NLGN1: variants seen among roughly 807,000 people sequenced by gnomAD.
NLGN1 encodes neuroligin-1.
Under a neutral mutation model 65.5 loss-of-function variants are expected in NLGN1, and 12 were observed. The ratio of observed to expected loss-of-function variants is 0.18; its 90% CI spans 0.12 to 0.30. The LOEUF (loss-of-function observed/expected upper bound fraction) is 0.30. NLGN1 is among the 10% of genes least tolerant of loss of function. NLGN1 has a pLI of 1.00. For missense variants in NLGN1, 750 were observed against 1,007.1 expected (o/e 0.74, Z 3.46); for synonymous variants, 350 against 359.5 (o/e 0.97, Z 0.30).
chr3:174,102,213 G>A (rs1468012869), intron 4 of NLGN1, among the ~76,000 whole-genome samples: 2 of 151,964 alleles, frequency 1.3e-5, no homozygotes, highest in South Asian at 2.1e-4. Flanking sequence ...AAAAATCATA[G>A]CCAGCTTTTT....
At chr3:174,137,460 A>G (rs9843125) in intron 4 of NLGN1, among the ~76,000 whole-genome samples, 32,191 of 152,016 alleles carry the variant, frequency 0.21, 3,971 homozygotes, top group African/African-American at 0.35. Context: ...TGACCTTGGA[A>G]AACTAATGTC....
intron 3 of NLGN1, among the ~76,000 whole-genome samples, chr3:173,769,536 A>C (rs551074504): frequency 6.6e-6 from 1 of 152,320 alleles, no homozygotes; most frequent in Non-Finnish European, 1.5e-5. Flanking sequence ...TGCCTGGGGT[A>C]ATAATACATG....
At chr3:174,024,527 TA>T (rs1560867326) in intron 4 of NLGN1, among the ~76,000 whole-genome samples, 1 of 152,200 alleles carries the variant, frequency 6.6e-6, no homozygotes, top group African/African-American at 2.4e-5. Context: ...TATATCCCAC[TA>T]AGAAAAATGT....
At chr3:173,605,123 T>C (rs371948684) in intron 3 of NLGN1, 32 bp downstream of exon 2, 142 of 1,510,080 alleles carry the variant, frequency 9.4e-5, no homozygotes, top group Admixed American at 2.5e-4. Context: ...CAGGGAGATA[T>C]ATTTATATAT....
chr3:174,239,473 A>G (rs1742388598), intron 4 of NLGN1, among the ~76,000 whole-genome samples: 1 of 152,164 alleles, frequency 6.6e-6, no homozygotes, highest in South Asian at 2.1e-4. Flanking sequence ...AGGTCCTGTT[A>G]GTAGGGGTTA....
At chr3:173,866,665 T>C (rs2150840579) in intron 4 of NLGN1, among the ~76,000 whole-genome samples, 1 of 152,288 alleles carries the variant, frequency 6.6e-6, no homozygotes, top group African/African-American at 2.4e-5. Flanking sequence ...ATTTGTTGGT[T>C]TTATATAAAA....
At chr3:174,038,463 A>G (rs554972111) in intron 4 of NLGN1, among the ~76,000 whole-genome samples, 3 of 152,276 alleles carry the variant, frequency 2.0e-5, no homozygotes, top group Admixed American at 1.3e-4. Context: ...ACTCCTTTTC[A>G]GAAAAGGATT....
At chr3:173,450,302 T>G (rs1577536631) in intron 2 of NLGN1, among the ~76,000 whole-genome samples, 1 of 152,294 alleles carries the variant, frequency 6.6e-6, no homozygotes. Flanking sequence ...TAAAGTATTT[T>G]ATTTCTCCTT....
At chr3:174,248,430 T>G (rs183942293) in intron 4 of NLGN1, among the ~76,000 whole-genome samples, 9 of 152,310 alleles carry the variant, frequency 5.9e-5, no homozygotes, top group African/African-American at 1.4e-4. Flanking sequence ...GTAGAAAGTG[T>G]GCTAGGGATG....
chr3:173,745,354 G>A (rs1775203107), intron 3 of NLGN1, among the ~76,000 whole-genome samples: 1 of 152,046 alleles, frequency 6.6e-6, no homozygotes, highest in Admixed American at 6.6e-5. Flanking sequence ...TTTTTTTAAA[G>A]TAGTAGATCC....
At chr3:173,798,576 A>G (rs1357849778) in intron 3 of NLGN1, among the ~76,000 whole-genome samples, 4 of 152,148 alleles carry the variant, frequency 2.6e-5, no homozygotes, top group Non-Finnish European at 4.4e-5. Context: ...GGGTCATGTT[A>G]AATAAATGTA....
chr3:173,797,590 C>T (rs994697590), intron 3 of NLGN1, among the ~76,000 whole-genome samples: 4 of 151,590 alleles, frequency 2.6e-5, no homozygotes, highest in Non-Finnish European at 4.4e-5. Flanking sequence ...ACAATGCATG[C>T]ATGCAATTAT....
At chr3:174,051,194 A>C (rs2152503205) in intron 4 of NLGN1, among the ~76,000 whole-genome samples, 1 of 152,232 alleles carries the variant, frequency 6.6e-6, no homozygotes, top group South Asian at 2.1e-4. Context: ...GAGATAAAGT[A>C]ACTTAGTGAC....
intron 2 of NLGN1, among the ~76,000 whole-genome samples, chr3:173,511,778 C>T (rs73883158): frequency 0.037 from 5,590 of 152,154 alleles, 106 homozygotes; most frequent in Middle Eastern, 0.051. Context: ...ACTGAAGGCA[C>T]TTTTTATCTT....
At chr3:174,180,440 A>G (rs1191105567) in intron 4 of NLGN1, among the ~76,000 whole-genome samples, 3 of 152,160 alleles carry the variant, frequency 2.0e-5, no homozygotes, top group South Asian at 2.1e-4. Flanking sequence ...GAGAAATGTC[A>G]TGTAATTATT....
At chr3:174,237,383 C>T (rs186897426) in intron 4 of NLGN1, among the ~76,000 whole-genome samples, 27 of 152,292 alleles carry the variant, frequency 1.8e-4, no homozygotes, top group African/African-American at 6.5e-4. Flanking sequence ...TTATATCACA[C>T]TAATCCTTTA....
intron 2 of NLGN1, among the ~76,000 whole-genome samples, chr3:173,557,814 A>G (rs113589809): frequency 1.9e-4 from 29 of 152,248 alleles, no homozygotes; most frequent in Middle Eastern, 6.8e-3. Flanking sequence ...AAATTTTTAA[A>G]AAAGTATTTT....
chr3:173,949,451 C>T (rs1405130063), intron 4 of NLGN1, among the ~76,000 whole-genome samples: 1 of 152,100 alleles, frequency 6.6e-6, no homozygotes, highest in Non-Finnish European at 1.5e-5. Flanking sequence ...CCTTCCTCTG[C>T]TTATTTATAT....
At chr3:173,428,673 AG>A (rs1380440972) in intron 1 of NLGN1, among the ~76,000 whole-genome samples, 1 of 152,028 alleles carries the variant, frequency 6.6e-6, no homozygotes, top group Non-Finnish European at 1.5e-5. Flanking sequence ...TAAAGGTATA[AG>A]TGGTTGATAC....
Sources: allele counts gnomAD v4.1 joint callset (sites outside exome capture counted in the v4.1 genomes callset), GRCh38; gene constraint gnomAD v4.1.1; transcripts MANE v1.5; gene names NCBI Gene and HGNC (gene_info 2026-07-23, HGNC 2026-07-21).